The following HPSE2 variants were observed in gnomAD, a reference collection of about 807,000 sequenced individuals.
HPSE2 encodes the protein inactive heparanase-2.
Under a neutral mutation model 60.5 loss-of-function variants are expected in HPSE2, and 38 were observed. The observed-to-expected ratio is 0.63, with a 90% CI of 0.48 to 0.82. The LOEUF (loss-of-function observed/expected upper bound fraction) is 0.82, where lower values mean the gene tolerates loss of function less well. HPSE2 is among the 40% of genes least tolerant of loss of function. The pLI is 0.00. For synonymous variants in HPSE2, 295 were observed against 293.2 expected, an observed-to-expected ratio of 1.01 and a Z score of -0.06; for missense variants, 713 against 740.4, an observed-to-expected ratio of 0.96 and a Z score of 0.43.
the HPSE2 span, among the ~76,000 whole-genome samples, chr10:99,308,061 G>A: frequency 1.4e-4 from 21 of 152,102 alleles, no homozygotes; most frequent in Non-Finnish European, 2.8e-4. Flanking sequence ...ATACATGAAT[G>A]TTCAAAGCAA....
At chr10:99,048,916 C>T (rs1185213917) in intron 3 of HPSE2, among the ~76,000 whole-genome samples, 1 of 152,122 alleles carries the variant, frequency 6.6e-6, no homozygotes, top group Non-Finnish European at 1.5e-5. Context: ...GAATCAAATC[C>T]TGTTACTTGC....
chr10:99,043,724 A>T (rs918335085), intron 3 of HPSE2, among the ~76,000 whole-genome samples: 4 of 152,194 alleles, frequency 2.6e-5, no homozygotes, highest in Non-Finnish European at 4.4e-5. Context: ...TTGTAATACA[A>T]TCAGAAGCAT....
chr10:99,031,792 T>C (rs1287485064), intron 3 of HPSE2, among the ~76,000 whole-genome samples: 2 of 152,184 alleles, frequency 1.3e-5, no homozygotes, highest in African/African-American at 2.4e-5. Context: ...CTCAACCACA[T>C]TGATAAACAG....
chr10:99,210,892 T>C (rs1200453503), intron 2 of HPSE2, among the ~76,000 whole-genome samples: 2 of 152,184 alleles, frequency 1.3e-5, no homozygotes, highest in Non-Finnish European at 2.9e-5. Context: ...ACCACTTCTA[T>C]TCAATATGAA....
the HPSE2 span, among the ~76,000 whole-genome samples, chr10:99,290,025 A>G: frequency 6.6e-6 from 1 of 152,320 alleles, no homozygotes; most frequent in South Asian, 2.1e-4. Flanking sequence ...ACTCAGAGGT[A>G]AGCAGGGGTT....
intron 9 of HPSE2, among the ~76,000 whole-genome samples, chr10:98,539,891 T>G (rs1457999435): frequency 6.6e-6 from 1 of 152,238 alleles, no homozygotes; most frequent in Non-Finnish European, 1.5e-5. Flanking sequence ...CTTCTGCTAT[T>G]CGCCCTGCAC....
chr10:99,012,881 C>T (rs528071380), intron 3 of HPSE2, among the ~76,000 whole-genome samples: 1 of 152,190 alleles, frequency 6.6e-6, no homozygotes, highest in African/African-American at 2.4e-5. Flanking sequence ...AAATGTGATT[C>T]ACAGCTTTAA....
At chr10:98,586,802 A>G (rs1361306697) in intron 9 of HPSE2, among the ~76,000 whole-genome samples, 1 of 152,208 alleles carries the variant, frequency 6.6e-6, no homozygotes, top group Non-Finnish European at 1.5e-5. Context: ...TCACAGTCGG[A>G]TACCTAGATT....
At chr10:99,176,915 G>A (rs1279615068) in intron 2 of HPSE2, among the ~76,000 whole-genome samples, 1 of 151,780 alleles carries the variant, frequency 6.6e-6, no homozygotes, top group African/African-American at 2.4e-5. Context: ...AGACTAACAG[G>A]GTATCTCTCT....
At chr10:98,860,501 T>G (rs1268603388) in intron 3 of HPSE2, among the ~76,000 whole-genome samples, 1 of 152,196 alleles carries the variant, frequency 6.6e-6, no homozygotes, top group Non-Finnish European at 1.5e-5. Context: ...CTACATGTTT[T>G]AAGCATTTTA....
At chr10:99,079,202 A>T (rs1373533617) in intron 3 of HPSE2, among the ~76,000 whole-genome samples, 1 of 152,116 alleles carries the variant, frequency 6.6e-6, no homozygotes, top group African/African-American at 2.4e-5. Flanking sequence ...CAAGAAAGAA[A>T]TCATTCTTTG....
intron 3 of HPSE2, among the ~76,000 whole-genome samples, chr10:98,983,857 G>T (rs1046796078): frequency 6.6e-6 from 1 of 152,176 alleles, no homozygotes; most frequent in African/African-American, 2.4e-5. Context: ...CCTGCGCCTG[G>T]CTCGGAGGGA....
At chr10:98,742,273 C>T (rs908333322) in intron 4 of HPSE2, among the ~76,000 whole-genome samples, 3 of 152,134 alleles carry the variant, frequency 2.0e-5, no homozygotes, top group Non-Finnish European at 2.9e-5. Context: ...AGGAAAGAAA[C>T]TGAGGGCTAC....
chr10:98,872,554 G>A (rs1455054577), intron 3 of HPSE2, among the ~76,000 whole-genome samples: 1 of 151,700 alleles, frequency 6.6e-6, no homozygotes, highest in Non-Finnish European at 1.5e-5. Context: ...CTTCACCTAG[G>A]GTAAAAACAT....
Position 99,147,729 on chromosome 10 carries a change from T to C in HPSE2, c.449-3330A>G, listed in dbSNP as rs552978939. 5.9e-5 allele frequency among the ~76,000 whole-genome samples: 9 copies of C among 152,310 alleles called. No homozygotes were observed. The East Asian group carries it at 1.7e-3, about 29-fold the overall frequency. ...ATCTAAAGTAAAAGTATGAATTCCT[T>C]ATTCAACTCTAATCTGCTTGAAATT... is the stretch of plus-strand genomic sequence containing the variant. On this transcript the variant is annotated intron_variant, in intron 2 of 11. Transcript: ENST00000370552.
At chr10:98,668,673 A>G (rs940641228) in intron 6 of HPSE2, among the ~76,000 whole-genome samples, 1 of 152,230 alleles carries the variant, frequency 6.6e-6, no homozygotes, top group African/African-American at 2.4e-5. Context: ...TTCCTATTCA[A>G]TCAACGGTGC....
chr10:98,816,857 C>T (rs1466595482), intron 3 of HPSE2, among the ~76,000 whole-genome samples: 2 of 149,710 alleles, frequency 1.3e-5, no homozygotes, highest in East Asian at 1.9e-4. Flanking sequence ...CTTTGACCTC[C>T]GTGTCAATCT....
the HPSE2 span, among the ~76,000 whole-genome samples, chr10:99,251,178 A>C: frequency 6.6e-6 from 1 of 152,224 alleles, no homozygotes; most frequent in Admixed American, 6.5e-5. Context: ...CCAATCTCAC[A>C]GAAATACAAA....
chr10:99,001,263 T>C (rs1204839218), intron 3 of HPSE2, among the ~76,000 whole-genome samples: 2 of 152,082 alleles, frequency 1.3e-5, no homozygotes, highest in Non-Finnish European at 2.9e-5. Context: ...TTTCTCTCAC[T>C]ATAGGTCACA....
Sources: allele counts gnomAD v4.1 joint callset (sites outside exome capture counted in the v4.1 genomes callset), GRCh38; gene constraint gnomAD v4.1.1; transcripts MANE v1.5; gene names NCBI Gene and HGNC (gene_info 2026-07-23, HGNC 2026-07-21).